The following CASK variants were observed in gnomAD, a reference collection of about 807,000 sequenced individuals.
CASK encodes the protein peripheral plasma membrane protein CASK.
In CASK, 4 loss-of-function variants were observed where a neutral mutation model predicts 82.9. That is an observed-to-expected ratio of 0.05 (90% CI 0.02 to 0.11). The LOEUF (loss-of-function observed/expected upper bound fraction) is 0.11. Ranked by LOEUF, CASK falls within the 10% of genes least tolerant of loss-of-function variation. The pLI is 1.00. For missense variants in CASK, 358 were observed against 720.9 expected (o/e 0.50, Z 5.76); for synonymous variants, 259 against 253.5 (o/e 1.02, Z -0.20).
At chrX:41,600,863 A>T (rs1014347484) in intron 12 of CASK, among the ~76,000 whole-genome samples, 3 of 112,027 alleles carry the variant, frequency 2.7e-5, no homozygotes, top group Non-Finnish European at 3.8e-5. Flanking sequence ...TCAATATTGG[A>T]TGAGTAGACA....
intron 2 of CASK, among the ~76,000 whole-genome samples, chrX:41,835,857 T>C (rs146820611): frequency 0.021 from 2,405 of 112,436 alleles, 35 homozygotes; most frequent in Admixed American, 0.052. Context: ...ATCAGCAGTT[T>C]TTCACAGAAT....
chrX:41,858,540 C>A (rs1267878625), intron 1 of CASK, among the ~76,000 whole-genome samples: 2 of 111,308 alleles, frequency 1.8e-5, no homozygotes, highest in Admixed American at 1.9e-4. Context: ...GTACCTCCCC[C>A]TATCCTGCAC....
At chrX:41,542,832 A>G in intron 21 of CASK, 26 bp from the exon 22 acceptor site, 1 of 901,390 alleles carries the variant, frequency 1.1e-6, no homozygotes, top group Non-Finnish European at 1.6e-6. Context: ...AGAAAAATAA[A>G]ATAAAATGAA....
chrX:41,649,750 G>A (rs1334073867), intron 8 of CASK, among the ~76,000 whole-genome samples: 1 of 111,954 alleles, frequency 8.9e-6, no homozygotes, highest in Non-Finnish European at 1.9e-5. Flanking sequence ...GGAGAGTTCT[G>A]TAGATGTCTA....
chrX:41,661,289 A>G (rs1488978925), intron 7 of CASK, among the ~76,000 whole-genome samples: 1 of 111,607 alleles, frequency 9.0e-6, no homozygotes, highest in Non-Finnish European at 1.9e-5. Context: ...TTAAAAAAAA[A>G]TCAGAGTGGT....
intron 8 of CASK, among the ~76,000 whole-genome samples, chrX:41,652,318 T>C (rs925199701): frequency 9.8e-5 from 11 of 111,758 alleles, no homozygotes; most frequent in African/African-American, 3.2e-4. Context: ...TCAGGAGTCA[T>C]TGTTGTACAG....
At chrX:41,558,060 C>G (rs1316348405) in intron 18 of CASK, 3 of 111,041 alleles carry the variant, frequency 2.7e-5, no homozygotes, top group Non-Finnish European at 1.9e-5. Context: ...AGACTGATCT[C>G]CAGGTGCCAC....
At chrX:41,588,612 T>C (rs2065693658) in intron 13 of CASK, 1 of 111,223 alleles carries the variant, frequency 9.0e-6, no homozygotes, top group Non-Finnish European at 1.9e-5. Context: ...AGTACAGACT[T>C]TCTGTCTAAA....
At chrX:41,764,749 C>T (rs2069077021) in intron 3 of CASK, among the ~76,000 whole-genome samples, 1 of 111,777 alleles carries the variant, frequency 8.9e-6, no homozygotes, top group South Asian at 3.8e-4. Flanking sequence ...GCAATGGCCT[C>T]CCAATTCTCC....
chrX:41,662,519 G>C (rs2067051753), intron 7 of CASK, among the ~76,000 whole-genome samples: 1 of 111,607 alleles, frequency 9.0e-6, no homozygotes, highest in African/African-American at 3.3e-5. Context: ...GCCGGGTGCG[G>C]TGGCTCACAG....
At chrX:41,809,227 C>T (rs1228482256) in intron 2 of CASK, among the ~76,000 whole-genome samples, 1 of 112,075 alleles carries the variant, frequency 8.9e-6, no homozygotes, top group African/African-American at 3.2e-5. Flanking sequence ...TGACTGACAG[C>T]CTGGAAGACA....
At chrX:41,770,806 A>G (rs1305841786) in intron 3 of CASK, among the ~76,000 whole-genome samples, 2 of 111,912 alleles carry the variant, frequency 1.8e-5, no homozygotes, top group Non-Finnish European at 3.8e-5. Flanking sequence ...GAAGAGAAAG[A>G]GACCAGTAAG....
At chrX:41,800,467 T>C (rs1211509977) in intron 2 of CASK, among the ~76,000 whole-genome samples, 1 of 111,161 alleles carries the variant, frequency 9.0e-6, no homozygotes, top group East Asian at 2.8e-4. Flanking sequence ...CTCAATGTTA[T>C]TTTATTTTTA....
intron 3 of CASK, among the ~76,000 whole-genome samples, chrX:41,747,599 C>T (rs190160121): frequency 1.2e-4 from 13 of 111,448 alleles, no homozygotes; most frequent in Non-Finnish European, 7.5e-5. Context: ...CCACCACGCC[C>T]GGCTAATTTT....
chrX:41,823,403 G>T (rs5918253), intron 2 of CASK, among the ~76,000 whole-genome samples: 20,853 of 107,766 alleles, frequency 0.19, 1,626 homozygotes, highest in Middle Eastern at 0.31. Flanking sequence ...CATTTTAATC[G>T]CTACCCCTGC....
intron 5 of CASK, among the ~76,000 whole-genome samples, chrX:41,705,367 G>A (rs756109351): frequency 9.0e-6 from 1 of 111,024 alleles, no homozygotes; most frequent in Admixed American, 9.5e-5. Context: ...GACCAGCCTG[G>A]GCAACATAGC....
intron 6 of CASK, among the ~76,000 whole-genome samples, chrX:41,667,957 T>C (rs1408126959): frequency 8.9e-6 from 1 of 111,841 alleles, no homozygotes; most frequent in Non-Finnish European, 1.9e-5. Flanking sequence ...GCTCAGTATA[T>C]ATCATATATA....
intron 5 of CASK, among the ~76,000 whole-genome samples, chrX:41,693,575 T>C (rs944934105): frequency 8.9e-6 from 1 of 111,900 alleles, no homozygotes; most frequent in African/African-American, 3.2e-5. Context: ...GATCACGCCA[T>C]TGCACTCTAG....
intron 2 of CASK, among the ~76,000 whole-genome samples, chrX:41,833,908 C>T (rs2070878187): frequency 9.0e-6 from 1 of 110,790 alleles, no homozygotes; most frequent in African/African-American, 3.3e-5. Flanking sequence ...GCCACCATGC[C>T]CAGCTAATTT....
Sources: gnomAD v4.1 joint callset for allele counts (sites outside exome capture counted in the v4.1 genomes callset) on GRCh38, gnomAD v4.1.1 for gene constraint, MANE v1.5 for transcripts, NCBI Gene and HGNC (gene_info 2026-07-23, HGNC 2026-07-21) for gene names.